The following PCDHB16 variants were observed in gnomAD, a reference collection of about 807,000 sequenced individuals.
PCDHB16 encodes the protein protocadherin beta 16.
For synonymous variants in PCDHB16, 444 were observed against 436.5 expected (o/e 1.02, Z -0.21); for missense variants, 1,026 against 989.9 (o/e 1.04, Z -0.49).
chr5:141,182,666 T>C lies in PCDHB16; in HGVS notation c.107T>C (p.Val36Ala). Residue 36 changes from valine to alanine, a missense_variant, in exon 1 of 1, where the codon GTG becomes GCG. Val to Ala is a moderately conservative substitution (Grantham distance 64). Coordinates refer to ENST00000609684, the MANE Select transcript of PCDHB16 (RefSeq NM_020957.4). ...GCCGAGTTGGGGTCCTATTCCGTAG[T>C]GGAAGAAACGGAGAGAGGCTCTTTT... ...AGAELGSYSV[V>A]EETERGSFVA... is the part of the protein sequence containing the mutation. The C allele has an allele frequency of 6.8e-6, 11 of 1,607,968 alleles. No individual in the cohort carries two copies. The highest frequency in any genetic ancestry group is 9.3e-6 in the Non-Finnish European group (11 of 1,176,902).
In PCDHB16 at chr5:141,183,722, A is replaced by T; in HGVS notation, c.1163A>T (p.Asp388Val). ...AAGACGATTTCCTCCATCCAGGAAG[A>T]CCTTCCCTTTCTTCTAAAACCTTCA... ...NGKTISSIQE[D>V]LPFLLKPSVK... The change falls in exon 1 of 1, where the codon GAC (aspartate) becomes GTC (valine). Residue 388 changes from aspartate (D) to valine (V), a missense_variant. By Grantham distance (152) the Asp-to-Val change is radical. Transcript: ENST00000609684. 6.2e-7 allele frequency: 1 copy of T among 1,614,148 alleles called. No homozygotes were observed. Among genetic ancestry groups the T allele is most frequent in the Non-Finnish European group, 8.5e-7 (1 of 1,180,024 alleles).
Position 141,183,206 on chromosome 5 carries a change from A to G in PCDHB16, c.647A>G (p.Asp216Gly), listed in dbSNP as rs1753611170. ...CTAAGATTAACCCTGACAGCGCTGG[A>G]TGGTGGCTCTCCACCGCGATCTGGA... ...PQLRLTLTALDGGSPPRSGTA... is the reference protein window; with the variant it reads ...PQLRLTLTALGGGSPPRSGTA... The change falls in exon 1 of 1, where the codon GAT becomes GGT. Residue 216 changes from aspartate (D) to glycine (G), a missense_variant. By Grantham distance (94) the Asp-to-Gly change is moderately conservative. Coordinates refer to ENST00000609684, the MANE Select transcript of PCDHB16 (RefSeq NM_020957.4). 3.1e-6 allele frequency: 5 copies of G among 1,613,996 alleles called. No homozygotes were observed. The highest frequency in any genetic ancestry group is 3.3e-5 in the Admixed American group (2 of 60,000).
At position 141,183,410 on chromosome 5, in the gene PCDHB16, C is replaced by A. The variant is rs370472877; in HGVS notation, c.851C>A (p.Pro284His). 5.6e-6 allele frequency: 9 copies of A among 1,614,046 alleles called. No homozygotes were observed. In the African/African-American group the frequency reaches 1.1e-4, roughly 19 times the overall value. The change falls in exon 1 of 1, where the codon CCT becomes CAT. Residue 284 changes from proline (P) to histidine (H), a missense_variant. By Grantham distance (77) the Pro-to-His change is moderately conservative (BLOSUM62 -2). Transcript: ENST00000609684. ...AAAATATCATACACACTCTTTCAGC[C>A]TTCGGAGGATATTAGTAAAACTTTG... ...NGKISYTLFQ[P>H]SEDISKTLEV...
In PCDHB16 at chr5:141,182,515, G is replaced by A; in HGVS notation, c.-45G>A. On this transcript the variant is annotated 5_prime_UTR_variant, in exon 1 of 1. Coordinates refer to ENST00000609684, the MANE Select transcript of PCDHB16 (RefSeq NM_020957.4). Reference sequence around the variant, plus strand: ...TGCAAAACAGTTCTACTAGGATCCTGGGGATACATGAAGCTTCTGTGAACC... The same window carrying A: ...TGCAAAACAGTTCTACTAGGATCCTAGGGATACATGAAGCTTCTGTGAACC... The A allele has an allele frequency of 6.7e-7, 1 of 1,483,034 alleles. No individual in the cohort carries two copies. The highest frequency in any genetic ancestry group is 9.0e-7 in the Non-Finnish European group (1 of 1,107,158). The allele number at this position is 1,483,034 out of a possible 1,614,324, so 91.9% of individuals were successfully genotyped here. A position where few individuals can be genotyped will look rare whatever the true frequency, so the allele number is the denominator to read the frequency against.
rs1460327026 is a variant in PCDHB16, at chr5:141,182,488, A to G, written c.-72A>G. 20 of 1,350,802 alleles carry G rather than the reference A, an allele frequency of 1.5e-5. No homozygotes were observed. The Admixed American group carries it at 4.5e-4, about 30-fold the overall frequency. 83.7% of individuals were successfully genotyped at this position (1,350,802 alleles called of 1,614,324 possible). On this transcript the variant is annotated 5_prime_UTR_variant, in exon 1 of 1. Coordinates refer to ENST00000609684, the MANE Select transcript of PCDHB16 (RefSeq NM_020957.4). ...GGGCTGCTTGGTTCTGACATTCTGGACTGCAAAACAGTTCTACTAGGATCC... is the reference window on the plus strand; with the variant it reads ...GGGCTGCTTGGTTCTGACATTCTGGGCTGCAAAACAGTTCTACTAGGATCC...
chr5:141,183,675 T>C lies in PCDHB16; in HGVS notation c.1116T>C (p.Asp372=), dbSNP rs782723936. 1.2e-6 allele frequency: 2 copies of C among 1,614,168 alleles called. No individual in the cohort carries two copies. Among genetic ancestry groups the C allele is most frequent in the Admixed American group, 1.7e-5 (1 of 60,028 alleles). ...EIVVAVFSVS[D]PDSGNNGKTI... The stretch of plus-strand genomic sequence containing the variant: ...TAGTTGCTGTTTTCAGCGTTTCAGA[T>C]CCTGACTCCGGAAACAATGGGAAGA... Residue 372 remains aspartate, a synonymous_variant, in exon 1 of 1, where the codon GAT becomes GAC. Transcript: ENST00000609684.
rs1435532635 is a variant in PCDHB16, at chr5:141,184,628, TG to T, written c.2071del (p.Val691TrpfsTer49). The T allele has an allele frequency of 1.2e-6, 2 of 1,612,682 alleles. 1 individual carries two copies. The highest frequency in any genetic ancestry group is 3.3e-5 in the Admixed American group (2 of 60,002). On this transcript the variant is annotated frameshift_variant, in exon 1 of 1. Coordinates refer to ENST00000609684, the MANE Select transcript of PCDHB16 (RefSeq NM_020957.4). LOFTEE classifies it low-confidence loss of function (END_TRUNC). ...QTQANSLTVY[L>X]VVALASVSSL... Reference sequence around the variant, plus strand: ...CAGGCCAACTCGCTCACTGTCTACCTGGTGGTGGCGTTGGCCTCGGTGTCGT... The same window carrying T: ...CAGGCCAACTCGCTCACTGTCTACCTGTGGTGGCGTTGGCCTCGGTGTCGT...
chr5:141,183,930 C>T lies in PCDHB16; in HGVS notation c.1371C>T (p.Thr457=), dbSNP rs1378915437. 1.2e-6 allele frequency: 2 copies of T among 1,613,898 alleles called. No homozygotes were observed. Among genetic ancestry groups the T allele is most frequent in the Non-Finnish European group, 1.7e-6 (2 of 1,180,028 alleles). The change falls in exon 1 of 1, where the codon ACC becomes ACT. Residue 457 remains threonine (T), a synonymous_variant. Coordinates refer to ENST00000609684, the MANE Select transcript of PCDHB16 (RefSeq NM_020957.4). ...CCACTTTCACCCAAACCTCCTACAC[C>T]CTGTTCGTCCGCGAGAACAACAGCC... ...NAPTFTQTSY[T]LFVRENNSPA...
Position 141,185,897 on chromosome 5 carries a change from T to G in PCDHB16, c.*1007T>G. 1.0e-6 allele frequency: 1 copy of G among 983,556 alleles called. No homozygotes were observed. The highest frequency in any genetic ancestry group is 4.8e-5 in the South Asian group (1 of 20,952). 60.9% of individuals were successfully genotyped at this position (983,556 alleles called of 1,614,324 possible). On this transcript the variant is annotated 3_prime_UTR_variant, in exon 1 of 1. Transcript: ENST00000609684. ...TTGTAAGACATTCAGTATGTGTAAA[T>G]GTGTTTGTGTTTGTAGACAAAAGGC...
chr5:141,183,074 T>G lies in PCDHB16; in HGVS notation c.515T>G (p.Ile172Ser), dbSNP rs1554282078. ...AGCAATAATGTTCAAAACTATAAAA[T>G]CAGCCCAAGCTCTCATTTCCGGGTT... ...VGSNNVQNYK[I>S]SPSSHFRVLI... The change falls in exon 1 of 1, where the codon ATC (isoleucine) becomes AGC (serine). Residue 172 changes from isoleucine to serine, a missense_variant. Coordinates refer to ENST00000609684, the MANE Select transcript of PCDHB16 (RefSeq NM_020957.4). The G allele has an allele frequency of 1.9e-6, 3 of 1,614,176 alleles. No individual in the cohort carries two copies. Among genetic ancestry groups the G allele is most frequent in the Non-Finnish European group, 2.5e-6 (3 of 1,180,034 alleles).
chr5:141,182,534 G>A lies in PCDHB16; in HGVS notation c.-26G>A. On this transcript the variant is annotated 5_prime_UTR_variant, in exon 1 of 1. The change creates a new upstream start codon in the 5' untranslated region. Transcript: ENST00000609684. ...GATCCTGGGGATACATGAAGCTTCT[G>A]TGAACCAACTTTTCAAGAAAAAGCA... 6.6e-7 allele frequency: 1 copy of A among 1,509,870 alleles called. No individual in the cohort carries two copies. Among genetic ancestry groups the A allele is most frequent in the Non-Finnish European group, 8.8e-7 (1 of 1,130,036 alleles). 93.5% of individuals were successfully genotyped at this position (1,509,870 alleles called of 1,614,324 possible). A position where few individuals can be genotyped will look rare whatever the true frequency, so the allele number is the denominator to read the frequency against.
In PCDHB16 at chr5:141,185,647, C is replaced by A; in HGVS notation, c.*757C>A. The A allele has an allele frequency of 1.2e-6, 1 of 819,818 alleles. No homozygotes were observed. Among genetic ancestry groups the A allele is most frequent in the African/African-American group, 1.9e-5 (1 of 53,650 alleles). The allele number at this position is 819,818 out of a possible 1,614,324, so 50.8% of individuals were successfully genotyped here. On this transcript the variant is annotated 3_prime_UTR_variant, in exon 1 of 1. Coordinates refer to ENST00000609684, the MANE Select transcript of PCDHB16 (RefSeq NM_020957.4). The stretch of plus-strand genomic sequence containing the variant: ...TGAACTCCTGGGCTCAAGCCATCCT[C>A]CCTCCTCAGCCTCCCAAAATTCTGG...
At position 141,185,883 on chromosome 5, in the gene PCDHB16, T is replaced by C. The variant is rs1309646295; in HGVS notation, c.*993T>C. On this transcript the variant is annotated 3_prime_UTR_variant, in exon 1 of 1. Coordinates refer to ENST00000609684, the MANE Select transcript of PCDHB16 (RefSeq NM_020957.4). ...AAAAAGAGAAGCCATTGTAAGACAT[T>C]CAGTATGTGTAAATGTGTTTGTGTT... is the stretch of plus-strand genomic sequence containing the variant. 1.9e-5 allele frequency: 19 copies of C among 990,052 alleles called. No individual in the cohort carries two copies. The highest frequency in any genetic ancestry group is 2.3e-5 in the Non-Finnish European group (19 of 820,828). The allele number at this position is 990,052 out of a possible 1,614,324, so 61.3% of individuals were successfully genotyped here. A position where few individuals can be genotyped will look rare whatever the true frequency, so the allele number is the denominator to read the frequency against.
chr5:141,183,419 A>T lies in PCDHB16; in HGVS notation c.860A>T (p.Asp287Val), dbSNP rs781919495. The T allele has an allele frequency of 6.2e-7, 1 of 1,614,106 alleles. No individual in the cohort carries two copies. The highest frequency in any genetic ancestry group is 8.5e-7 in the Non-Finnish European group (1 of 1,180,032). The part of the protein sequence containing the change: ...ISYTLFQPSE[D>V]ISKTLEVNPM... ...TACACACTCTTTCAGCCTTCGGAGG[A>T]TATTAGTAAAACTTTGGAGGTAAAT... The change falls in exon 1 of 1, where the codon GAT becomes GTT. Residue 287 changes from aspartate (D) to valine (V), a missense_variant. Asp to Val is a radical substitution (Grantham distance 152, BLOSUM62 -3). Coordinates refer to ENST00000609684, the MANE Select transcript of PCDHB16 (RefSeq NM_020957.4).
rs782636780 is a variant in PCDHB16 at position 141,182,847 on chromosome 5, C to T, written c.288C>T (p.Cys96=). The T allele has an allele frequency of 6.8e-6, 11 of 1,613,972 alleles. No individual in the cohort carries two copies. Among genetic ancestry groups the T allele is most frequent in the Non-Finnish European group, 2.5e-6 (3 of 1,180,024 alleles). The change falls in exon 1 of 1, where the codon TGC becomes TGT. Residue 96 remains cysteine, a synonymous_variant. Coordinates refer to ENST00000609684, the MANE Select transcript of PCDHB16 (RefSeq NM_020957.4). ...AGAAGCTAGATCGAGAGGAGCTATG[C>T]GGTCCCACTGAGCCTTGCATACTAC... ...INEKLDREEL[C]GPTEPCILHF... is the part of the protein sequence containing the mutation.
rs1753598967 is a variant in PCDHB16, at chr5:141,182,827, C to G, written c.268C>G (p.Leu90Val). Residue 90 changes from leucine to valine, a missense_variant, in exon 1 of 1, where the codon CTA becomes GTA. Physicochemically the swap from Leu to Val is conservative, Grantham distance 32 (BLOSUM62 1). Transcript: ENST00000609684. ...QTGDLLINEKLDREELCGPTE... is the reference protein window; with the variant it reads ...QTGDLLINEKVDREELCGPTE... ...TGGGGATTTGCTCATAAATGAGAAGCTAGATCGAGAGGAGCTATGCGGTCC... is the reference window on the plus strand; with the variant it reads ...TGGGGATTTGCTCATAAATGAGAAGGTAGATCGAGAGGAGCTATGCGGTCC... 6.2e-7 allele frequency: 1 copy of G among 1,614,106 alleles called. No homozygotes were observed. The highest frequency in any genetic ancestry group is 8.5e-7 in the Non-Finnish European group (1 of 1,180,020).
In PCDHB16 at chr5:141,183,642, T is replaced by C. The variant is rs116170348; in HGVS notation, c.1083T>C (p.Pro361=). Residue 361 remains proline (P), a synonymous_variant, in exon 1 of 1, where the codon CCT becomes CCC. Transcript: ENST00000609684. ...ALTSPIPENS[P]EIVVAVFSVS... ...CCAGCCCCATCCCAGAGAACTCGCC[T>C]GAGATAGTAGTTGCTGTTTTCAGCG... 4.4e-6 allele frequency: 7 copies of C among 1,607,634 alleles called. No individual in the cohort carries two copies. In the East Asian group the frequency reaches 1.6e-4, roughly 36 times the overall value.
Position 141,182,790 on chromosome 5 carries a change from C to G in PCDHB16, c.231C>G (p.Leu77=), listed in dbSNP as rs782098597. The part of the protein sequence containing the change: ...ISQGNKQHLQ[L]KAQTGDLLIN... ...AGGGGAACAAACAGCATTTGCAGCT[C>G]AAGGCTCAAACTGGGGATTTGCTCA... Residue 77 remains leucine (L), a synonymous_variant, in exon 1 of 1, where the codon CTC becomes CTG. Transcript: ENST00000609684. The G allele has an allele frequency of 5.6e-6, 9 of 1,613,932 alleles. No homozygotes were observed. Among genetic ancestry groups the G allele is most frequent in the African/African-American group, 2.7e-5 (2 of 74,884 alleles).
In PCDHB16 at chr5:141,183,646, A is replaced by G; in HGVS notation, c.1087A>G (p.Ile363Val). The G allele has an allele frequency of 6.2e-7, 1 of 1,614,172 alleles. No individual in the cohort carries two copies. Among genetic ancestry groups the G allele is most frequent in the Non-Finnish European group, 8.5e-7 (1 of 1,180,034 alleles). Residue 363 changes from isoleucine (I) to valine (V), a missense_variant, in exon 1 of 1, where the codon ATA becomes GTA. Ile to Val is a conservative substitution (Grantham distance 29). Coordinates refer to ENST00000609684, the MANE Select transcript of PCDHB16 (RefSeq NM_020957.4). ...CCCCATCCCAGAGAACTCGCCTGAGATAGTAGTTGCTGTTTTCAGCGTTTC... is the reference window on the plus strand; with the variant it reads ...CCCCATCCCAGAGAACTCGCCTGAGGTAGTAGTTGCTGTTTTCAGCGTTTC... Reference protein sequence around the residue: ...TSPIPENSPEIVVAVFSVSDP... With the variant: ...TSPIPENSPEVVVAVFSVSDP...
Sources: allele counts gnomAD v4.1 joint callset, GRCh38; gene constraint gnomAD v4.1.1; transcripts MANE v1.5; gene names NCBI Gene and HGNC (gene_info 2026-07-23, HGNC 2026-07-21).